Variants in PPARG observed in about 807,000 individuals in gnomAD.
PPARG encodes the protein peroxisome proliferator activated receptor gamma, also known as peroxisome proliferator-activated receptor gamma.
Under a neutral mutation model 39.2 loss-of-function variants are expected in PPARG, and 17 were observed. The ratio of observed to expected loss-of-function variants is 0.43; its 90% confidence interval spans 0.30 to 0.65. PPARG has a LOEUF of 0.65. Among genes scored for constraint, PPARG ranks in the 30% least tolerant of loss-of-function variants. The pLI, the probability that PPARG is intolerant of heterozygous loss-of-function variation, is 0.13. For missense variants in PPARG, 406 were observed against 585.9 expected, an observed-to-expected ratio of 0.69 and a Z score of 3.17; for synonymous variants, 223 against 215.7, an observed-to-expected ratio of 1.03 and a Z score of -0.30.
In PPARG at chr3:12,381,423, G is replaced by A; in HGVS notation, c.322G>A (p.Glu108Lys). 2 of 1,613,530 alleles carry A rather than the reference G, an allele frequency of 1.2e-6. No homozygotes were observed. The highest frequency in any genetic ancestry group is 1.7e-6 in the Non-Finnish European group (2 of 1,179,764). The change falls in exon 4 of 8, where the codon GAA becomes AAA. Residue 108 changes from glutamate to lysine, a missense_variant. By Grantham distance (56) the Glu-to-Lys change is moderately conservative. Coordinates refer to ENST00000651735, the MANE Select transcript of PPARG (RefSeq NM_138711.6). Reference sequence around the variant, plus strand: ...GCCTTCCAACTCCCTCATGGCAATTGAATGTCGTGTCTGTGGAGATAAAGC... The same window carrying A: ...GCCTTCCAACTCCCTCATGGCAATTAAATGTCGTGTCTGTGGAGATAAAGC... ...EEPSNSLMAI[E>K]CRVCGDKASG...
rs112174008 is a variant in PPARG at position 12,379,861 on chromosome 3, C to T, written c.150C>T (p.Asp50=). ...FSSISTPHYE[D]IPFTRTDPVV... The stretch of plus-strand genomic sequence containing the variant: ...GCATTTCTACTCCACATTACGAAGA[C>T]ATTCCATTCACAAGAACAGATCCAG... The change falls in exon 3 of 8, where the codon GAC becomes GAT. Residue 50 remains aspartate (D), a synonymous_variant. Coordinates refer to ENST00000651735, the MANE Select transcript of PPARG (RefSeq NM_138711.6). 1.8e-3 allele frequency: 2,825 copies of T among 1,613,904 alleles called. 7 individuals are homozygous for T. The highest frequency in any genetic ancestry group is 3.8e-3 in the Middle Eastern group (23 of 6,058).
intron 4 of PPARG, among the ~76,000 whole-genome samples, chr3:12,388,808 A>G (rs1361207797): frequency 6.6e-6 from 1 of 152,204 alleles, no homozygotes; most frequent in East Asian, 1.9e-4. Context: ...ACAATAAACT[A>G]TTAGGAATAA....
At chr3:12,388,600 G>A (rs1306876303) in intron 4 of PPARG, among the ~76,000 whole-genome samples, 1 of 152,142 alleles carries the variant, frequency 6.6e-6, no homozygotes, top group Non-Finnish European at 1.5e-5. Flanking sequence ...CCAGTTTAAG[G>A]TCAAGAAACT....
chr3:12,296,611 C>T (rs900332855), intron 1 of PPARG, among the ~76,000 whole-genome samples: 1 of 152,178 alleles, frequency 6.6e-6, no homozygotes, highest in Non-Finnish European at 1.5e-5. Context: ...AAACTACCCC[C>T]ATTGACCTAT....
At chr3:12,335,396 A>T (rs1401487564) in intron 2 of PPARG, among the ~76,000 whole-genome samples, 1 of 152,226 alleles carries the variant, frequency 6.6e-6, no homozygotes, top group Non-Finnish European at 1.5e-5. Context: ...CTTCATTGAA[A>T]TAAGCAGTTT....
At chr3:12,390,499 A>T (rs1348609155) in intron 4 of PPARG, among the ~76,000 whole-genome samples, 1 of 152,114 alleles carries the variant, frequency 6.6e-6, no homozygotes, top group Non-Finnish European at 1.5e-5. Context: ...TAAATGTTAG[A>T]AACCTCATAC....
chr3:12,398,739 G>T (rs1000928904), intron 5 of PPARG, among the ~76,000 whole-genome samples: 1 of 152,188 alleles, frequency 6.6e-6, no homozygotes, highest in Admixed American at 6.5e-5. Context: ...AGAATTAAAG[G>T]CTGGGAGAAT....
At chr3:12,371,778 G>T in intron 2 of PPARG, 1 of 584,160 alleles carries the variant, frequency 1.7e-6, no homozygotes, top group Non-Finnish European at 3.2e-6. Context: ...CCCTGAGCAG[G>T]TCACTTTGCC....
intron 5 of PPARG, among the ~76,000 whole-genome samples, chr3:12,398,922 C>T (rs933120841): frequency 1.3e-5 from 2 of 152,172 alleles, no homozygotes; most frequent in Non-Finnish European, 2.9e-5. Context: ...GAAAACAACT[C>T]TTTCAGTAAG....
At chr3:12,386,925 C>T (rs937153080) in intron 4 of PPARG, among the ~76,000 whole-genome samples, 3 of 150,728 alleles carry the variant, frequency 2.0e-5, no homozygotes, top group African/African-American at 7.3e-5. Flanking sequence ...TGTGTCCATG[C>T]ATTCTCATTG....
chr3:12,295,008 G>A (rs11709077), intron 1 of PPARG, among the ~76,000 whole-genome samples: 13,491 of 152,156 alleles, frequency 0.089, 754 homozygotes, highest in Non-Finnish European at 0.13. Context: ...CAAAAGCAAG[G>A]TCATAATTCT....
chr3:12,294,972 T>C (rs930282798), intron 1 of PPARG, among the ~76,000 whole-genome samples: 3 of 152,198 alleles, frequency 2.0e-5, no homozygotes, highest in African/African-American at 7.2e-5. Flanking sequence ...GCATCTCTGT[T>C]AGAAATAGAA....
chr3:12,418,150 G>A (rs1293911701), intron 7 of PPARG, among the ~76,000 whole-genome samples: 1 of 151,922 alleles, frequency 6.6e-6, no homozygotes, highest in East Asian at 1.9e-4. Context: ...AAATTTTTTT[G>A]TAGAGATGAG....
rs1251834307 is a variant in PPARG at position 12,428,788 on chromosome 3, TTAAG to T, written c.1181-5104_1181-5101del. Among the ~76,000 whole-genome samples the T allele has an allele frequency of 2.0e-5, 3 of 152,358 alleles. No individual in the cohort carries two copies. In the South Asian group the frequency reaches 6.2e-4, roughly 32 times the overall value. ...AAGACCAAAGGAAGCGTTCTTGTTT[TTAAG>T]TAAGTCAGGTGTTCTAAGTTTAATG... On this transcript the variant is annotated intron_variant, in intron 7 of 7. Coordinates refer to ENST00000651735, the MANE Select transcript of PPARG (RefSeq NM_138711.6).
chr3:12,309,886 T>C (rs2047178099), intron 1 of PPARG, among the ~76,000 whole-genome samples: 1 of 152,212 alleles, frequency 6.6e-6, no homozygotes, highest in South Asian at 2.1e-4. Context: ...TGTTTAAGTG[T>C]GAGGCAATTG....
intron 7 of PPARG, among the ~76,000 whole-genome samples, chr3:12,428,279 C>T (rs563435036): frequency 2.0e-5 from 3 of 152,200 alleles, no homozygotes; most frequent in Admixed American, 6.5e-5. Context: ...ATTCCAGGAC[C>T]GTGTGGATGG....
At chr3:12,418,893 T>A (rs2051167088) in intron 7 of PPARG, among the ~76,000 whole-genome samples, 1 of 152,206 alleles carries the variant, frequency 6.6e-6, no homozygotes, top group South Asian at 2.1e-4. Context: ...CGTGATTCAC[T>A]TTAAAATAAC....
intron 2 of PPARG, among the ~76,000 whole-genome samples, chr3:12,343,816 C>T (rs2048251578): frequency 6.7e-6 from 1 of 149,588 alleles, no homozygotes; most frequent in African/African-American, 2.5e-5. Context: ...TCTTTCTGAG[C>T]TTGTTTCCTT....
intron 2 of PPARG, among the ~76,000 whole-genome samples, chr3:12,336,571 T>C (rs373115703): frequency 1.4e-4 from 21 of 152,244 alleles, no homozygotes; most frequent in African/African-American, 5.1e-4. Context: ...AATAATCTAC[T>C]CTGAAATTAA....
Sources: gnomAD v4.1 joint callset for allele counts (sites outside exome capture counted in the v4.1 genomes callset) on GRCh38, gnomAD v4.1.1 for gene constraint, MANE v1.5 for transcripts, NCBI Gene and HGNC (gene_info 2026-07-23, HGNC 2026-07-21) for gene names.